HTR1F: variants seen among roughly 807,000 people sequenced by gnomAD.
HTR1F encodes the protein 5-hydroxytryptamine receptor 1F.
HTR1F carries 17 observed loss-of-function variants against 24.0 expected under a neutral mutation model. That is an observed-to-expected ratio of 0.71 (90% CI 0.48 to 1.06). The LOEUF is 1.06. HTR1F is among the 50% of genes least tolerant of loss of function. The pLI, the probability that HTR1F is intolerant of heterozygous loss-of-function variation, is 0.00. For synonymous variants in HTR1F, 186 were observed against 156.8 expected (o/e 1.19, Z -1.39); for missense variants, 391 against 427.8 (o/e 0.91, Z 0.76).
intron 2 of HTR1F, among the ~76,000 whole-genome samples, chr3:87,859,217 A>G (rs1173841464): frequency 6.6e-6 from 1 of 152,202 alleles, no homozygotes; most frequent in Non-Finnish European, 1.5e-5. Context: ...AAGTTAAAAC[A>G]AACTAAAAAA....
intron 2 of HTR1F, among the ~76,000 whole-genome samples, chr3:87,853,017 T>A (rs923478): frequency 0.15 from 22,323 of 150,988 alleles, 1,944 homozygotes; most frequent in East Asian, 0.22. Context: ...TTAGGCTTTT[T>A]AAATATTCAG....
chr3:87,874,813 A>T (rs1230608267), intron 2 of HTR1F, among the ~76,000 whole-genome samples: 1 of 152,164 alleles, frequency 6.6e-6, no homozygotes, highest in African/African-American at 2.4e-5. Context: ...AGACTAGTGG[A>T]ACGTAATAGA....
intron 1 of HTR1F, among the ~76,000 whole-genome samples, chr3:87,812,312 G>A (rs1704174534): frequency 6.6e-6 from 1 of 152,160 alleles, no homozygotes. Context: ...TGCTGATAGT[G>A]ATATGGACAA....
At chr3:87,958,904 A>G (rs1705002676) in intron 2 of HTR1F, among the ~76,000 whole-genome samples, 1 of 151,426 alleles carries the variant, frequency 6.6e-6, no homozygotes, top group Admixed American at 6.6e-5. Flanking sequence ...CACCACCACC[A>G]CCATGCATTT....
At chr3:87,917,366 G>A (rs570469687) in intron 2 of HTR1F, among the ~76,000 whole-genome samples, 3 of 134,394 alleles carry the variant, frequency 2.2e-5, no homozygotes, top group African/African-American at 8.4e-5. Flanking sequence ...GATCAGAGCA[G>A]AACTAAATGA....
chr3:87,804,261 T>C (rs1704038875), intron 1 of HTR1F, among the ~76,000 whole-genome samples: 1 of 152,128 alleles, frequency 6.6e-6, no homozygotes, highest in African/African-American at 2.4e-5. Context: ...ATGAATATAT[T>C]TATAAAACTT....
At chr3:87,854,284 T>G (rs1202855458) in intron 2 of HTR1F, among the ~76,000 whole-genome samples, 1 of 152,028 alleles carries the variant, frequency 6.6e-6, no homozygotes, top group Non-Finnish European at 1.5e-5. Context: ...ATTTTCTGTT[T>G]TCTTGAATGT....
chr3:87,906,122 T>G (rs1049401825), intron 2 of HTR1F, among the ~76,000 whole-genome samples: 1 of 152,118 alleles, frequency 6.6e-6, no homozygotes, highest in Non-Finnish European at 1.5e-5. Flanking sequence ...AAATTGTCAC[T>G]TGGGAAAAAA....
chr3:87,888,310 G>A (rs903473830), intron 2 of HTR1F, among the ~76,000 whole-genome samples: 1 of 152,028 alleles, frequency 6.6e-6, no homozygotes, highest in Non-Finnish European at 1.5e-5. Context: ...CACACACCGG[G>A]GCCTGTTGTA....
chr3:87,850,268 C>G (rs1380355187), intron 2 of HTR1F, among the ~76,000 whole-genome samples: 3 of 151,878 alleles, frequency 2.0e-5, no homozygotes, highest in African/African-American at 7.3e-5. Context: ...CCATGGAATA[C>G]TATGCAGCCA....
At chr3:87,973,935 G>A (rs959384995) in intron 2 of HTR1F, among the ~76,000 whole-genome samples, 1 of 152,130 alleles carries the variant, frequency 6.6e-6, no homozygotes, top group Admixed American at 6.6e-5. Flanking sequence ...CAATAGTCTA[G>A]GCAGGCTGCC....
chr3:87,871,133 C>CAA (rs562261766), intron 2 of HTR1F, among the ~76,000 whole-genome samples: 31 of 151,900 alleles, frequency 2.0e-4, no homozygotes, highest in African/African-American at 7.0e-4. Flanking sequence ...CAGCAAGCTA[C>CAA]AAGTAAACAC....
chr3:87,905,965 G>A (rs1703659003), intron 2 of HTR1F, among the ~76,000 whole-genome samples: 2 of 152,036 alleles, frequency 1.3e-5, no homozygotes, highest in Admixed American at 6.6e-5. Context: ...AGGAAAAAAG[G>A]GGGACTTTAG....
At chr3:87,814,259 C>T (rs1290037836) in intron 1 of HTR1F, among the ~76,000 whole-genome samples, 2 of 151,954 alleles carry the variant, frequency 1.3e-5, no homozygotes, top group Admixed American at 6.6e-5. Context: ...TAATTTATTT[C>T]ATTTATTTAT....
chr3:87,941,556 G>T (rs537580218), intron 2 of HTR1F, among the ~76,000 whole-genome samples: 6 of 152,312 alleles, frequency 3.9e-5, no homozygotes, highest in Non-Finnish European at 5.9e-5. Flanking sequence ...AAGGACAAGA[G>T]AGTCCAGGTA....
intron 2 of HTR1F, among the ~76,000 whole-genome samples, chr3:87,923,309 G>C (rs74490268): frequency 3.7e-4 from 56 of 151,822 alleles, no homozygotes; most frequent in African/African-American, 1.3e-3. Flanking sequence ...CATGTTATTG[G>C]TATTTTAAGA....
chr3:87,973,659 C>T (rs1705333955), intron 2 of HTR1F, among the ~76,000 whole-genome samples: 3 of 152,082 alleles, frequency 2.0e-5, no homozygotes, highest in South Asian at 4.1e-4. Context: ...TACTCACTGC[C>T]GCCTGTCCAG....
chr3:87,925,224 C>T (rs1559634049), intron 2 of HTR1F, among the ~76,000 whole-genome samples: 1 of 152,064 alleles, frequency 6.6e-6, no homozygotes, highest in Non-Finnish European at 1.5e-5. Context: ...GGAAGACTCC[C>T]TGGTCAAGGG....
chr3:87,867,920 T>A (rs1468583316), intron 2 of HTR1F, among the ~76,000 whole-genome samples: 2 of 152,124 alleles, frequency 1.3e-5, no homozygotes, highest in Non-Finnish European at 2.9e-5. Flanking sequence ...TATATTTAAA[T>A]GGTGATTCTG....
Sources: allele counts gnomAD v4.1 joint callset (sites outside exome capture counted in the v4.1 genomes callset), GRCh38; gene constraint gnomAD v4.1.1; transcripts MANE v1.5; gene names NCBI Gene and HGNC (gene_info 2026-07-23, HGNC 2026-07-21).